The following ZNF578 variants were observed in gnomAD, a reference collection of about 807,000 sequenced individuals.
ZNF578 encodes the protein Putative chemokine-related protein B42.
ZNF578 carries 8 observed loss-of-function variants against 8.3 expected under a neutral mutation model. The observed-to-expected ratio is 0.96, with a 90% confidence interval of 0.56 to 1.74. The LOEUF (loss-of-function observed/expected upper bound fraction) is 1.74, where lower values mean the gene tolerates loss of function less well. Among genes scored for constraint, ZNF578 ranks in the 40% most tolerant of loss-of-function variants. ZNF578 has a pLI of 0.00. For missense variants in ZNF578, 726 were observed against 707.5 expected, an observed-to-expected ratio of 1.03 and a Z score of -0.30; for synonymous variants, 206 against 232.2, an observed-to-expected ratio of 0.89 and a Z score of 1.03.
chr19:52,502,753 G>T (rs1321419622), intron 4 of ZNF578, among the ~76,000 whole-genome samples: 1 of 152,082 alleles, frequency 6.6e-6, no homozygotes, highest in Non-Finnish European at 1.5e-5. Context: ...AAAAGAGAGG[G>T]AGAGAGAAGG....
chr19:52,504,648 A>G lies in ZNF578; in HGVS notation c.64-7A>G, dbSNP rs554800407. On this transcript the variant is annotated splice_polypyrimidine_tract_variant and splice_region_variant and intron_variant, in intron 4 of 5. Transcript: ENST00000421239. ...AATGTTTTGTTGAAATGTGTGTTTC[A>G]TTTTAGGGACGCTTGACTTTCAGGG... is the stretch of plus-strand genomic sequence containing the variant. The G allele has an allele frequency of 1.2e-6, 2 of 1,613,814 alleles. No individual in the cohort carries two copies. The highest frequency in any genetic ancestry group is 1.3e-5 in the African/African-American group (1 of 75,022).
chr19:52,468,476 C>G (rs1217644448), intron 2 of ZNF578, among the ~76,000 whole-genome samples: 1 of 152,190 alleles, frequency 6.6e-6, no homozygotes, highest in South Asian at 2.1e-4. Flanking sequence ...TCTCTCCTAA[C>G]CAAGTCTGGA....
At chr19:52,468,764 G>A (rs1238188710) in intron 2 of ZNF578, among the ~76,000 whole-genome samples, 1 of 152,106 alleles carries the variant, frequency 6.6e-6, no homozygotes, top group African/African-American at 2.4e-5. Context: ...GAAGAAGGTG[G>A]GATAACCTTG....
At chr19:52,458,486 T>TA in intron 2 of ZNF578, 2 of 14,650 alleles carry the variant, frequency 1.4e-4, no homozygotes, top group Admixed American at 5.4e-4. Flanking sequence ...ATATATATTT[T>TA]GAAAATCTGG....
At chr19:52,494,311 A>C (rs1383590811) in intron 3 of ZNF578, among the ~76,000 whole-genome samples, 2 of 150,672 alleles carry the variant, frequency 1.3e-5, no homozygotes, top group Non-Finnish European at 3.0e-5. Flanking sequence ...AAATAGTGAG[A>C]CCCGCCATCG....
intron 3 of ZNF578, among the ~76,000 whole-genome samples, chr19:52,493,150 T>TA (rs2059372449): frequency 6.6e-6 from 1 of 152,134 alleles, no homozygotes; most frequent in Admixed American, 6.5e-5. Context: ...CCGTGCTTCT[T>TA]AAAGTCCTCA....
rs2059478920 is a variant in ZNF578, at chr19:52,516,861, A to G, written c.*4707A>G. ...GCCCGCCTGCACCCAGGTGAAATAA[A>G]CAGCCTCGTTGCTCACACAAAGCCT... On this transcript the variant is annotated 3_prime_UTR_variant, in exon 6 of 6. Coordinates refer to ENST00000421239, the MANE Select transcript of ZNF578 (RefSeq NM_001099694.2). 6.6e-6 allele frequency among the ~76,000 whole-genome samples: 1 copy of G among 152,198 alleles called. No homozygotes were observed. Among genetic ancestry groups the G allele is most frequent in the South Asian group, 2.1e-4 (1 of 4,834 alleles).
At chr19:52,462,806 T>A (rs1385159108) in intron 2 of ZNF578, among the ~76,000 whole-genome samples, 2 of 152,210 alleles carry the variant, frequency 1.3e-5, no homozygotes, top group Non-Finnish European at 2.9e-5. Context: ...GAGTTTAAGA[T>A]GTTTTGTAGG....
intron 2 of ZNF578, among the ~76,000 whole-genome samples, chr19:52,471,548 G>T (rs2059291824): frequency 6.6e-6 from 1 of 152,074 alleles, no homozygotes; most frequent in African/African-American, 2.4e-5. Flanking sequence ...TTTTGCACCA[G>T]CTGGAAGTTC....
intron 2 of ZNF578, chr19:52,474,368 C>T (rs981259888): frequency 7.1e-6 from 2 of 282,280 alleles, no homozygotes; most frequent in African/African-American, 4.5e-5. Context: ...AAAGTGTGAA[C>T]TGTGAGTAAA....
chr19:52,468,706 G>A lies in ZNF578; in HGVS notation c.-122+11748G>A, dbSNP rs559329228. Among the ~76,000 whole-genome samples, 4 of 152,332 alleles carry A rather than the reference G, an allele frequency of 2.6e-5. No homozygotes were observed. In the South Asian group the frequency reaches 8.3e-4, roughly 32 times the overall value. Reference sequence around the variant, plus strand: ...AGAGGAAGACCCACCCTCAGTGTGAGTGGGCACCATCCGATTGGCTGCCAG... The same window carrying A: ...AGAGGAAGACCCACCCTCAGTGTGAATGGGCACCATCCGATTGGCTGCCAG... On this transcript the variant is annotated intron_variant, in intron 2 of 5. Transcript: ENST00000421239.
chr19:52,466,448 T>C (rs1434857476), intron 2 of ZNF578, among the ~76,000 whole-genome samples: 4 of 152,238 alleles, frequency 2.6e-5, no homozygotes, highest in Non-Finnish European at 5.9e-5. Context: ...TATTGTCCCA[T>C]ATTTTTATGG....
rs566175780 is a variant in ZNF578, at chr19:52,462,660, A to G, written c.-122+5702A>G. On this transcript the variant is annotated intron_variant, in intron 2 of 5. Coordinates refer to ENST00000421239, the MANE Select transcript of ZNF578 (RefSeq NM_001099694.2). ...CTGGGTCAGCCTCTTGATGTGTCCC[A>G]AGTCAGTGGGCTCACTTGACGGGTT... Among the ~76,000 whole-genome samples the G allele has an allele frequency of 1.7e-3, 254 of 152,322 alleles. 1 individual carries two copies. Among genetic ancestry groups the G allele is most frequent in the Non-Finnish European group, 3.0e-3 (202 of 68,030 alleles).
chr19:52,481,888 G>A (rs888753076), intron 2 of ZNF578, among the ~76,000 whole-genome samples: 2 of 151,996 alleles, frequency 1.3e-5, no homozygotes, highest in African/African-American at 4.8e-5. Flanking sequence ...GAACCACCAA[G>A]ACCAGCTAGG....
intron 3 of ZNF578, among the ~76,000 whole-genome samples, chr19:52,494,123 A>C (rs1007068087): frequency 6.7e-6 from 1 of 149,102 alleles, no homozygotes; most frequent in Non-Finnish European, 1.5e-5. Context: ...GGAAAAAGAC[A>C]AGAAAACAAG....
intron 3 of ZNF578, among the ~76,000 whole-genome samples, chr19:52,494,905 A>G (rs1389762886): frequency 6.6e-6 from 1 of 152,154 alleles, no homozygotes; most frequent in Non-Finnish European, 1.5e-5. Context: ...TATCTACTCT[A>G]ACTGAAGCCT....
intron 3 of ZNF578, among the ~76,000 whole-genome samples, chr19:52,497,550 A>C (rs2059391413): frequency 6.6e-6 from 1 of 152,204 alleles, no homozygotes. Context: ...ATATATTTTC[A>C]ACTATTTCTC....
rs766799871 is a variant in ZNF578, at chr19:52,511,418, A to T, written c.1037A>T (p.Asn346Ile). 1.9e-6 allele frequency: 3 copies of T among 1,614,154 alleles called. No homozygotes were observed. Among genetic ancestry groups the T allele is most frequent in the Non-Finnish European group, 2.5e-6 (3 of 1,179,960 alleles). The change falls in exon 6 of 6, where the codon AAT becomes ATT. Residue 346 changes from asparagine to isoleucine, a missense_variant. Asn to Ile is a moderately radical substitution (Grantham distance 149). Transcript: ENST00000421239. ...CHTGEKPYKCNECGKSFSYKS... is the reference protein window; with the variant it reads ...CHTGEKPYKCIECGKSFSYKS... Reference sequence around the variant, plus strand: ...ACTGGTGAGAAACCTTACAAGTGTAATGAATGTGGAAAGTCCTTCAGTTAC... The same window carrying T: ...ACTGGTGAGAAACCTTACAAGTGTATTGAATGTGGAAAGTCCTTCAGTTAC...
intron 3 of ZNF578, among the ~76,000 whole-genome samples, chr19:52,499,689 G>GTTTT (rs66824085): frequency 4.2e-5 from 6 of 141,594 alleles, no homozygotes; most frequent in South Asian, 2.2e-4. Context: ...CTTCCAAATC[G>GTTTT]TTTTTTTTTT....
Sources: allele counts gnomAD v4.1 joint callset (sites outside exome capture counted in the v4.1 genomes callset), GRCh38; gene constraint gnomAD v4.1.1; transcripts MANE v1.5; gene names NCBI Gene and HGNC (gene_info 2026-07-23, HGNC 2026-07-21).